Variants in ASPSCR1 observed in about 807,000 individuals in gnomAD.
ASPSCR1 encodes the protein tether containing UBX domain for GLUT4.
In ASPSCR1, 55 loss-of-function variants were observed where a neutral mutation model predicts 68.9. The ratio of observed to expected loss-of-function variants is 0.80; its 90% CI spans 0.64 to 1.00. ASPSCR1 has a LOEUF of 1.00. Among genes scored for constraint, ASPSCR1 ranks in the 50% least tolerant of loss-of-function variants. The pLI is 0.00. For synonymous variants in ASPSCR1, 352 were observed against 332.6 expected (o/e 1.06, Z -0.63); for missense variants, 765 against 762.2 (o/e 1.00, Z -0.04).
intron 8 of ASPSCR1, 26 bp downstream of exon 8, chr17:82,009,217 G>T (rs1334165093): frequency 2.5e-6 from 4 of 1,574,112 alleles, no homozygotes; most frequent in Non-Finnish European, 3.5e-6. Flanking sequence ...GTGCCTCCCG[G>T]CATCTTCGCG....
rs148481986 is a variant in ASPSCR1, at chr17:81,989,953, A to G, written c.374+4346A>G. On this transcript the variant is annotated intron_variant, in intron 4 of 15. Coordinates refer to ENST00000306739, the MANE Select transcript of ASPSCR1 (RefSeq NM_024083.4). ...CTGGCGCACGCCATCACGCCTGGCT[A>G]ATTTTTGTATTTTTTTTAGTAGAGA... Among the ~76,000 whole-genome samples, 705 of 152,170 alleles carry G rather than the reference A, an allele frequency of 4.6e-3. 1 individual carries two copies. The highest frequency in any genetic ancestry group is 5.0e-3 in the Non-Finnish European group (338 of 67,998).
Position 81,996,046 on chromosome 17 carries a change from G to C in ASPSCR1, c.487G>C (p.Gly163Arg), listed in dbSNP as rs539253212. 2 of 1,608,948 alleles carry C rather than the reference G, an allele frequency of 1.2e-6. No homozygotes were observed. Among genetic ancestry groups the C allele is most frequent in the Non-Finnish European group, 8.5e-7 (1 of 1,178,632 alleles). The change falls in exon 6 of 16, where the codon GGG (glycine) becomes CGG (arginine). Residue 163 changes from glycine (G) to arginine (R), a missense_variant. Coordinates refer to ENST00000306739, the MANE Select transcript of ASPSCR1 (RefSeq NM_024083.4). ...GACGCTGCAGTCGCTGGGCCTGACC[G>C]GGGGCAGCGCCACCATCAGGTAAGG... Reference protein sequence around the residue: ...GTTLQSLGLTGGSATIRFVMK... With the variant: ...GTTLQSLGLTRGSATIRFVMK...
Position 82,016,477 on chromosome 17 carries a change from C to G in ASPSCR1, c.1355C>G (p.Ala452Gly), listed in dbSNP as rs149720294. 10 of 1,548,142 alleles carry G rather than the reference C, an allele frequency of 6.5e-6. No individual in the cohort carries two copies. Among genetic ancestry groups the G allele is most frequent in the Non-Finnish European group, 8.7e-6 (10 of 1,146,976 alleles). ...LDDHTQTLFQANLFPAALVHL... is the reference protein window; with the variant it reads ...LDDHTQTLFQGNLFPAALVHL... ...CTGAGCCCCCCGCCCTCCCTGCAGG[C>G]GAACCTCTTCCCGGCCGCTCTGGTG... The change falls in exon 13 of 16, where the codon GCG (alanine) becomes GGG (glycine). Residue 452 changes from alanine (A) to glycine (G), a missense_variant and splice_region_variant. Transcript: ENST00000306739.
Position 81,996,451 on chromosome 17 carries a change from A to C in ASPSCR1, c.538A>C (p.Lys180Gln). 1 of 1,603,504 alleles carries C rather than the reference A, an allele frequency of 6.2e-7. No individual in the cohort carries two copies. The highest frequency in any genetic ancestry group is 8.5e-7 in the Non-Finnish European group (1 of 1,173,392). The change falls in exon 7 of 16, where the codon AAG becomes CAG. Residue 180 changes from lysine to glutamine, a missense_variant. Lys to Gln is a moderately conservative substitution (Grantham distance 53). Transcript: ENST00000306739. ...FVMKCYDPVGKTPGSLGSSAS... is the reference protein window; with the variant it reads ...FVMKCYDPVGQTPGSLGSSAS... ...CATGAAGTGCTACGACCCCGTGGGCAAGACCCCAGGAAGCCTGGGCTCGTC... is the reference window on the plus strand; with the variant it reads ...CATGAAGTGCTACGACCCCGTGGGCCAGACCCCAGGAAGCCTGGGCTCGTC...
intron 1 of ASPSCR1, among the ~76,000 whole-genome samples, 187 bp from the exon 2 acceptor site, chr17:81,978,997 G>C (rs1387224120): frequency 6.6e-6 from 1 of 152,152 alleles, no homozygotes; most frequent in Non-Finnish European, 1.5e-5. Flanking sequence ...AGGGAGAGTG[G>C]ACAGGATTTG....
rs2042010904 is a variant in ASPSCR1, at chr17:81,986,933, T to C, written c.374+1326T>C. The stretch of plus-strand genomic sequence containing the variant: ...CCACCCCAGTGGCTGTCGGGGTGAA[T>C]GGAGGCCCCTGGAGATGGCAGCGGG... On this transcript the variant is annotated intron_variant, in intron 4 of 15. Coordinates refer to ENST00000306739, the MANE Select transcript of ASPSCR1 (RefSeq NM_024083.4). The surrounding 1 kb of genome is among the most constrained non-coding windows in gnomAD (Gnocchi z 5.2). 6.6e-6 allele frequency among the ~76,000 whole-genome samples: 1 copy of C among 152,020 alleles called. No individual in the cohort carries two copies. Among genetic ancestry groups the C allele is most frequent in the African/African-American group, 2.4e-5 (1 of 41,364 alleles).
chr17:81,984,536 T>C (rs1483573432), intron 3 of ASPSCR1, among the ~76,000 whole-genome samples: 2 of 150,972 alleles, frequency 1.3e-5, no homozygotes, highest in African/African-American at 4.9e-5. Flanking sequence ...GAGATTGTGC[T>C]GCCACTGCAC....
Position 82,016,525 on chromosome 17 carries a change from C to G in ASPSCR1, c.1403C>G (p.Ala468Gly). ...ALVHLGAEEP[A>G]GVYLEPGLLE... is the part of the protein sequence containing the mutation. ...GTGCACTTGGGAGCCGAGGAGCCGG[C>G]AGGTGAGTGTCAGTGGTTGGGGCCA... Residue 468 changes from alanine to glycine, a missense_variant and splice_region_variant, in exon 13 of 16, where the codon GCA (alanine) becomes GGA (glycine). Ala to Gly is a moderately conservative substitution (Grantham distance 60). Transcript: ENST00000306739. The G allele has an allele frequency of 6.5e-7, 1 of 1,549,276 alleles. No individual in the cohort carries two copies. Among genetic ancestry groups the G allele is most frequent in the Non-Finnish European group, 8.7e-7 (1 of 1,147,046 alleles).
At chr17:81,998,241 G>A (rs558699007) in intron 7 of ASPSCR1, among the ~76,000 whole-genome samples, 2 of 152,312 alleles carry the variant, frequency 1.3e-5, no homozygotes, top group Admixed American at 6.5e-5. Context: ...AAAATGCTGG[G>A]ATTACAATTG....
intron 12 of ASPSCR1, chr17:82,015,371 T>C (rs891163750): frequency 1.0e-5 from 16 of 1,594,442 alleles, no homozygotes; most frequent in Non-Finnish European, 1.4e-5. Flanking sequence ...GCTGCCTGGC[T>C]CAGTGCTCCC....
chr17:81,990,155 C>T lies in ASPSCR1; in HGVS notation c.374+4548C>T, dbSNP rs572524483. 8.9e-4 allele frequency among the ~76,000 whole-genome samples: 136 copies of T among 152,324 alleles called. No homozygotes were observed. The highest frequency in any genetic ancestry group is 3.0e-3 in the African/African-American group (126 of 41,558). On this transcript the variant is annotated intron_variant, in intron 4 of 15. Coordinates refer to ENST00000306739, the MANE Select transcript of ASPSCR1 (RefSeq NM_024083.4). This position sits in a 1 kb window ranked among gnomAD's most constrained non-coding sequence, Gnocchi z 4.1. ...TAATTTTAGTAATACGTGTAGTTAA[C>T]TCAGTATACCCAAAATACGACTTCC...
At chr17:81,985,462 T>C (rs1428712080) in intron 3 of ASPSCR1, 45 bp from the exon 4 acceptor site, 1 of 1,576,908 alleles carries the variant, frequency 6.3e-7, no homozygotes, top group South Asian at 1.1e-5. Context: ...GAAGGAATAG[T>C]TGCTTTTCTT....
chr17:81,977,696 C>G lies in ASPSCR1; in HGVS notation c.50C>G (p.Pro17Arg), dbSNP rs951529693. ...GGCTCCGCGGTGTCGGTGCTGGCCCCGAACGGCCGGCGCCACACGGTGAAG... is the reference window on the plus strand; with the variant it reads ...GGCTCCGCGGTGTCGGTGCTGGCCCGGAACGGCCGGCGCCACACGGTGAAG... ...GGGSAVSVLA[P>R]NGRRHTVKVT... Residue 17 changes from proline to arginine, a missense_variant, in exon 1 of 16, where the codon CCG becomes CGG. Coordinates refer to ENST00000306739, the MANE Select transcript of ASPSCR1 (RefSeq NM_024083.4). This position sits in a 1 kb window ranked among gnomAD's most constrained non-coding sequence, Gnocchi z 5.0. The G allele has an allele frequency of 1.5e-6, 2 of 1,370,912 alleles. No individual in the cohort carries two copies. Among genetic ancestry groups the G allele is most frequent in the African/African-American group, 1.5e-5 (1 of 66,244 alleles). The allele number at this position is 1,370,912 out of a possible 1,614,324, so 84.9% of individuals were successfully genotyped here.
chr17:82,010,040 G>T (rs1329158346), intron 9 of ASPSCR1: 6 of 337,698 alleles, frequency 1.8e-5, no homozygotes, highest in African/African-American at 1.2e-4. Flanking sequence ...CTCCCAAGTA[G>T]CTGGGATTTC....
At chr17:82,010,607 A>G (rs2042904074) in intron 9 of ASPSCR1, among the ~76,000 whole-genome samples, 195 bp from the exon 10 acceptor site, 1 of 151,260 alleles carries the variant, frequency 6.6e-6, no homozygotes. Context: ...CGCTGTGCAC[A>G]CACACGGCAC....
At chr17:82,015,035 T>C (rs373541058) in intron 12 of ASPSCR1, 5 of 1,559,942 alleles carry the variant, frequency 3.2e-6, no homozygotes, top group Non-Finnish European at 4.3e-6. Flanking sequence ...CGGGCCCTGC[T>C]CTGGCTGGGG....
rs779058676 is a variant in ASPSCR1 at position 82,017,011 on chromosome 17, G to C, written c.1546G>C (p.Ala516Pro). 12 of 1,612,620 alleles carry C rather than the reference G, an allele frequency of 7.4e-6. No homozygotes were observed. In the South Asian group the frequency reaches 1.3e-4, roughly 18 times the overall value. Residue 516 changes from alanine (A) to proline (P), a missense_variant, in exon 15 of 16, where the codon GCT (alanine) becomes CCT (proline). Transcript: ENST00000306739. ...TGACCCTGCACCTAAGTCTGAGCCA[G>C]CTGCTGAGGAGGGGGCGCTGGTCCC... ...APDPAPKSEP[A>P]AEEGALVPPE...
At chr17:81,996,307 C>G in intron 6 of ASPSCR1, 113 bp from the exon 7 acceptor site, 2 of 1,464,636 alleles carry the variant, frequency 1.4e-6, no homozygotes, top group South Asian at 2.9e-5. Flanking sequence ...AGAGGGTGAA[C>G]CGGGGGCGGG....
At chr17:82,006,057 C>T (rs2042703594) in intron 7 of ASPSCR1, 1 of 152,586 alleles carries the variant, frequency 6.6e-6, no homozygotes, top group South Asian at 2.0e-4. Context: ...GTGTGCATGT[C>T]CTTGCGTGTG....
Sources: allele counts gnomAD v4.1 joint callset (sites outside exome capture counted in the v4.1 genomes callset), GRCh38; gene constraint gnomAD v4.1.1; non-coding constraint Gnocchi (gnomAD v3.1); transcripts MANE v1.5; gene names NCBI Gene and HGNC (gene_info 2026-07-23, HGNC 2026-07-21).